Variants in NTRK2 observed in about 807,000 individuals in gnomAD.
The protein encoded by NTRK2 is BDNF/NT-3 growth factors receptor.
A neutral mutation model predicts 94.5 loss-of-function variants in NTRK2; 13 were observed. The ratio of observed to expected loss-of-function variants is 0.14; its 90% CI spans 0.09 to 0.22. The LOEUF (loss-of-function observed/expected upper bound fraction) is 0.22, where lower values mean the gene tolerates loss of function less well. Among genes scored for constraint, NTRK2 ranks in the 10% least tolerant of loss-of-function variants. The pLI is 1.00. For missense variants in NTRK2, 639 were observed against 1,071.2 expected (o/e 0.60, Z 5.63); for synonymous variants, 372 against 407.4 (o/e 0.91, Z 1.05).
intron 12 of NTRK2, among the ~76,000 whole-genome samples, chr9:84,790,003 G>A (rs1269563984): frequency 1.3e-5 from 2 of 152,240 alleles, no homozygotes; most frequent in South Asian, 4.2e-4. Context: ...TTATTCTCCT[G>A]TCTACATTCC....
chr9:84,996,474 G>A (rs1829761780), intron 17 of NTRK2, among the ~76,000 whole-genome samples: 1 of 152,250 alleles, frequency 6.6e-6, no homozygotes, highest in East Asian at 1.9e-4. Flanking sequence ...TGGACTTAAA[G>A]TGGAACTTCT....
At chr9:84,689,800 C>G (rs954906034) in intron 2 of NTRK2, among the ~76,000 whole-genome samples, 1 of 152,174 alleles carries the variant, frequency 6.6e-6, no homozygotes, top group Non-Finnish European at 1.5e-5. Context: ...TTACCTCCCT[C>G]TAGTGCCTGG....
chr9:84,712,847 G>A (rs1485005855), intron 6 of NTRK2, among the ~76,000 whole-genome samples: 1 of 152,112 alleles, frequency 6.6e-6, no homozygotes, highest in Non-Finnish European at 1.5e-5. Context: ...ATGATACAAT[G>A]TGTCTTAATT....
At chr9:84,879,204 A>G (rs1003596674) in intron 14 of NTRK2, among the ~76,000 whole-genome samples, 5 of 152,064 alleles carry the variant, frequency 3.3e-5, no homozygotes, top group Admixed American at 3.3e-4. Flanking sequence ...GACAGAGACA[A>G]AGAGAGATAG....
At chr9:84,754,276 C>G (rs1307983514) in intron 12 of NTRK2, among the ~76,000 whole-genome samples, 1 of 151,740 alleles carries the variant, frequency 6.6e-6, no homozygotes, top group Non-Finnish European at 1.5e-5. Flanking sequence ...CAAATAAAAT[C>G]ATTTTTAGAA....
chr9:85,005,469 G>C (rs763740921), intron 17 of NTRK2, among the ~76,000 whole-genome samples: 3 of 152,158 alleles, frequency 2.0e-5, no homozygotes, highest in Admixed American at 6.5e-5. Flanking sequence ...TGTATTTGTT[G>C]TAAAACCCCA....
At chr9:84,885,230 A>T (rs1418424294) in intron 14 of NTRK2, among the ~76,000 whole-genome samples, 2 of 152,208 alleles carry the variant, frequency 1.3e-5, no homozygotes, top group Non-Finnish European at 2.9e-5. Flanking sequence ...GGCTTCACTA[A>T]TCAGAAACCT....
intron 12 of NTRK2, chr9:84,815,798 A>T (rs2072338303): frequency 2.1e-6 from 2 of 962,700 alleles, no homozygotes; most frequent in Non-Finnish European, 2.5e-6. Context: ...TGTGTTCAGA[A>T]CTGAAGACTT....
At chr9:84,830,322 T>G (rs188677080) in intron 12 of NTRK2, among the ~76,000 whole-genome samples, 11 of 152,346 alleles carry the variant, frequency 7.2e-5, no homozygotes, top group African/African-American at 2.2e-4. Context: ...CGTATCTCAT[T>G]TTAACCCAGG....
intron 6 of NTRK2, among the ~76,000 whole-genome samples, chr9:84,721,332 C>T (rs1393357121): frequency 2.0e-5 from 3 of 152,080 alleles, no homozygotes; most frequent in Admixed American, 6.6e-5. Flanking sequence ...CCCGCCACTG[C>T]GCACGGCTAA....
chr9:84,931,415 A>AG (rs1564475759), intron 14 of NTRK2, among the ~76,000 whole-genome samples: 1 of 149,900 alleles, frequency 6.7e-6, no homozygotes, highest in East Asian at 2.0e-4. Context: ...TCAAAAAAAA[A>AG]AAGAGAGAGA....
intron 9 of NTRK2, among the ~76,000 whole-genome samples, chr9:84,739,153 C>T (rs1010702988): frequency 5.3e-5 from 8 of 152,204 alleles, no homozygotes; most frequent in South Asian, 4.2e-4. Context: ...TGAGTTCAAG[C>T]GATTCTCGTG....
intron 12 of NTRK2, chr9:84,813,868 A>G (rs2072084770): frequency 8.4e-6 from 9 of 1,065,370 alleles, no homozygotes; most frequent in African/African-American, 1.6e-5. Flanking sequence ...CACGTCCTAT[A>G]TCTTATTATA....
At chr9:84,979,967 A>C (rs1327439797) in intron 17 of NTRK2, among the ~76,000 whole-genome samples, 2 of 152,264 alleles carry the variant, frequency 1.3e-5, no homozygotes, top group Non-Finnish European at 2.9e-5. Context: ...TATTGCATAC[A>C]TAATAAACCA....
At chr9:84,911,092 T>A (rs1587905708) in intron 14 of NTRK2, among the ~76,000 whole-genome samples, 2 of 152,174 alleles carry the variant, frequency 1.3e-5, no homozygotes, top group South Asian at 4.1e-4. Context: ...GTTTTGAGTA[T>A]GCAAATCCTA....
At chr9:84,790,050 A>G (rs1406230876) in intron 12 of NTRK2, among the ~76,000 whole-genome samples, 2 of 152,110 alleles carry the variant, frequency 1.3e-5, no homozygotes, top group Non-Finnish European at 2.9e-5. Context: ...AAGGGAGGTG[A>G]TTTGAGAAGG....
At chr9:84,678,298 C>T (rs1389396324) in intron 2 of NTRK2, among the ~76,000 whole-genome samples, 1 of 152,156 alleles carries the variant, frequency 6.6e-6, no homozygotes, top group African/African-American at 2.4e-5. Context: ...GTGCATTGAC[C>T]CTGTTAGCCG....
chr9:84,875,453 C>A, intron 14 of NTRK2: 1 of 1,062,344 alleles, frequency 9.4e-7, no homozygotes, highest in Non-Finnish European at 1.1e-6. Context: ...TGAGAGCTCT[C>A]ATTTAGGGTC....
intron 12 of NTRK2, among the ~76,000 whole-genome samples, chr9:84,798,130 A>T (rs2133338297): frequency 6.6e-6 from 1 of 151,310 alleles, no homozygotes; most frequent in African/African-American, 2.4e-5. Flanking sequence ...TTGTCAGGTG[A>T]GGGCCCATTT....
Sources: gnomAD v4.1 joint callset for allele counts (sites outside exome capture counted in the v4.1 genomes callset) on GRCh38, gnomAD v4.1.1 for gene constraint, MANE v1.5 for transcripts, NCBI Gene and HGNC (gene_info 2026-07-23, HGNC 2026-07-21) for gene names.